SGCD: variants seen among roughly 807,000 people sequenced by gnomAD.
SGCD encodes delta-sarcoglycan.
SGCD carries 18 observed loss-of-function variants against 36.6 expected under a neutral mutation model. The ratio of observed to expected loss-of-function variants is 0.49; its 90% CI spans 0.34 to 0.73. SGCD has a LOEUF of 0.73. Among genes scored for constraint, SGCD ranks in the 30% least tolerant of loss-of-function variants. The pLI is 0.01. For synonymous variants in SGCD, 133 were observed against 130.6 expected (o/e 1.02, Z -0.12); for missense variants, 387 against 346.7 (o/e 1.12, Z -0.92).
intron 1 of SGCD, among the ~76,000 whole-genome samples, chr5:155,878,602 TA>T (rs1755814144): frequency 6.6e-6 from 1 of 152,084 alleles, no homozygotes; most frequent in Non-Finnish European, 1.5e-5. Flanking sequence ...CTTTTTGGAA[TA>T]ACCCAGCCTC....
chr5:156,374,644 A>G (rs1201421263), intron 3 of SGCD, among the ~76,000 whole-genome samples: 1 of 150,520 alleles, frequency 6.6e-6, no homozygotes, highest in Non-Finnish European at 1.5e-5. Context: ...ATGAATAAAC[A>G]ATACAAAGCA....
At chr5:156,374,507 G>A (rs953503337) in intron 3 of SGCD, among the ~76,000 whole-genome samples, 2 of 151,976 alleles carry the variant, frequency 1.3e-5, no homozygotes, top group African/African-American at 4.8e-5. Context: ...AGCAAATTGG[G>A]CATTTTATTT....
chr5:156,163,183 TC>T (rs1763124414), intron 3 of SGCD, among the ~76,000 whole-genome samples: 1 of 151,706 alleles, frequency 6.6e-6, no homozygotes, highest in African/African-American at 2.4e-5. Context: ...GATTCCACTT[TC>T]CCAAATGAGG....
At chr5:156,580,750 C>T (rs1461300505) in intron 4 of SGCD, among the ~76,000 whole-genome samples, 1 of 152,216 alleles carries the variant, frequency 6.6e-6, no homozygotes, top group Non-Finnish European at 1.5e-5. Context: ...TCAGCTCCAT[C>T]AGGTCATTTA....
chr5:156,143,208 C>T (rs1762617642), intron 3 of SGCD, among the ~76,000 whole-genome samples: 1 of 152,218 alleles, frequency 6.6e-6, no homozygotes, highest in African/African-American at 2.4e-5. Flanking sequence ...TTGGTGGTTT[C>T]CACATGTTGT....
At chr5:156,110,659 TA>T (rs567366065) in intron 1 of SGCD, among the ~76,000 whole-genome samples, 161 of 146,274 alleles carry the variant, frequency 1.1e-3, no homozygotes, top group African/African-American at 1.9e-3. Flanking sequence ...ACTGGCAACT[TA>T]AAAAAAAAAA....
intron 3 of SGCD, among the ~76,000 whole-genome samples, chr5:156,461,185 C>A (rs1471305425): frequency 6.6e-6 from 1 of 152,094 alleles, no homozygotes; most frequent in Non-Finnish European, 1.5e-5. Flanking sequence ...AATGTCAATT[C>A]TAAAAAGCAT....
rs796569107 is a variant in SGCD at position 156,173,789 on chromosome 5, T to C, written c.-44+49770T>C. 2.0e-5 allele frequency among the ~76,000 whole-genome samples: 3 copies of C among 151,440 alleles called. 1 individual carries two copies. The highest frequency in any genetic ancestry group is 7.3e-5 in the African/African-American group (3 of 41,076). ...GTAATAACTTCTTGTTATACTTACC[T>C]TGACCTTTCATGCTTATCCTTTTGA... On this transcript the variant is annotated intron_variant, in intron 3 of 9. Transcript: ENST00000517913.
intron 1 of SGCD, among the ~76,000 whole-genome samples, chr5:156,072,691 G>A (rs1581079612): frequency 6.6e-6 from 1 of 152,318 alleles, no homozygotes; most frequent in African/African-American, 2.4e-5. Context: ...TTGCTAGAAT[G>A]GGGAAGTTCT....
intron 3 of SGCD, among the ~76,000 whole-genome samples, chr5:156,279,907 A>G (rs748499536): frequency 4.6e-5 from 7 of 152,064 alleles, no homozygotes; most frequent in Non-Finnish European, 8.8e-5. Context: ...AATAATTTAC[A>G]TAGGAATTTC....
At chr5:155,864,996 C>T in the SGCD span, among the ~76,000 whole-genome samples, 1 of 152,100 alleles carries the variant, frequency 6.6e-6, no homozygotes, top group Admixed American at 6.5e-5. Context: ...CAACAATTAT[C>T]GAAATTCTTG....
intron 1 of SGCD, among the ~76,000 whole-genome samples, chr5:155,876,149 C>T (rs1163129600): frequency 6.7e-6 from 1 of 150,336 alleles, no homozygotes; most frequent in Non-Finnish European, 1.5e-5. Flanking sequence ...GCTGCACCCA[C>T]TAACTCATCA....
chr5:156,055,212 T>C (rs1237906065), intron 1 of SGCD, among the ~76,000 whole-genome samples: 15 of 146,384 alleles, frequency 1.0e-4, no homozygotes, highest in Admixed American at 9.5e-4. Context: ...TTTCTTTCTT[T>C]CTTTTCTTTT....
intron 3 of SGCD, among the ~76,000 whole-genome samples, chr5:156,215,687 T>A (rs1479813458): frequency 6.6e-6 from 1 of 152,026 alleles, no homozygotes; most frequent in Non-Finnish European, 1.5e-5. Context: ...ATGGCTGTTA[T>A]GAAAAAAGTG....
chr5:156,276,845 C>T (rs1333732534), intron 3 of SGCD, among the ~76,000 whole-genome samples: 1 of 152,098 alleles, frequency 6.6e-6, no homozygotes, highest in Non-Finnish European at 1.5e-5. Context: ...TAATCCAAAG[C>T]ATAAATGTAC....
chr5:156,189,844 T>C (rs901603093), intron 3 of SGCD, among the ~76,000 whole-genome samples: 1 of 152,106 alleles, frequency 6.6e-6, no homozygotes, highest in Non-Finnish European at 1.5e-5. Context: ...ATTAAGTAAA[T>C]GAGTGACAAT....
the SGCD span, among the ~76,000 whole-genome samples, chr5:155,850,196 G>T: frequency 6.6e-6 from 1 of 152,140 alleles, no homozygotes; most frequent in Non-Finnish European, 1.5e-5. Context: ...ATGCAACTTT[G>T]CTGACTAGGA....
At chr5:156,175,192 A>G (rs1235601044) in intron 3 of SGCD, among the ~76,000 whole-genome samples, 1 of 152,188 alleles carries the variant, frequency 6.6e-6, no homozygotes, top group East Asian at 1.9e-4. Flanking sequence ...AACCAAGAAT[A>G]TTTATGGTAT....
At chr5:156,165,377 A>C (rs192929514) in intron 3 of SGCD, among the ~76,000 whole-genome samples, 1 of 152,368 alleles carries the variant, frequency 6.6e-6, no homozygotes. Context: ...AAAAGGTCTA[A>C]GAGATGGAAT....
Sources: allele counts gnomAD v4.1 joint callset (sites outside exome capture counted in the v4.1 genomes callset), GRCh38; gene constraint gnomAD v4.1.1; transcripts MANE v1.5; gene names NCBI Gene and HGNC (gene_info 2026-07-23, HGNC 2026-07-21).